UNC13A: variants seen among roughly 807,000 people sequenced by gnomAD.
UNC13A encodes protein unc-13 homolog A.
A neutral mutation model predicts 219.7 loss-of-function variants in UNC13A; 61 were observed. That is an observed-to-expected ratio of 0.28 (90% CI 0.23 to 0.34). The LOEUF (loss-of-function observed/expected upper bound fraction) is 0.34. Among genes scored for constraint, UNC13A ranks in the 10% least tolerant of loss-of-function variants. The probability of loss-of-function intolerance (pLI) is 1.00; values close to 1 mark genes in which losing one functional copy is unlikely to be tolerated. For synonymous variants in UNC13A, 920 were observed against 884.6 expected (o/e 1.04, Z -0.71); for missense variants, 1,476 against 2,270.3 (o/e 0.65, Z 7.11).
chr19:17,624,492 C>T (rs935796421), intron 35 of UNC13A, among the ~76,000 whole-genome samples: 15 of 152,308 alleles, frequency 9.8e-5, no homozygotes, highest in African/African-American at 3.6e-4. Flanking sequence ...TGACCTCTGA[C>T]CTTTGAAAGC....
At chr19:17,668,589 C>T (rs186153417) in intron 5 of UNC13A, among the ~76,000 whole-genome samples, 236 of 152,190 alleles carry the variant, frequency 1.6e-3, no homozygotes, top group African/African-American at 4.9e-3. Flanking sequence ...TGGGTTCAAG[C>T]GATTCTCCTG....
intron 41 of UNC13A, chr19:17,614,496 T>G (rs1419392127): frequency 1.3e-5 from 2 of 152,572 alleles, no homozygotes; most frequent in Admixed American, 1.3e-4. Flanking sequence ...CTGTGGGGCC[T>G]GTGGACCTGT....
In UNC13A at chr19:17,674,837, T is replaced by C. The variant is rs1005322640; in HGVS notation, c.53-81A>G. ...TTCCCAAGCTCTAGACCATCTGCTG[T>C]GATCCCCTCAGGAATTTCTGGGCCA... On this transcript the variant is annotated intron_variant, in intron 2 of 43. Transcript: ENST00000519716. This position sits in a 1 kb window ranked among gnomAD's most constrained non-coding sequence, Gnocchi z 5.0. The C allele has an allele frequency of 3.5e-5, 43 of 1,245,596 alleles. No individual in the cohort carries two copies. The East Asian group carries it at 9.4e-4, about 27-fold the overall frequency. 77.2% of individuals were successfully genotyped at this position (1,245,596 alleles called of 1,614,324 possible).
intron 34 of UNC13A, chr19:17,626,316 C>A (rs62119952): frequency 1.2e-5 from 3 of 259,406 alleles, no homozygotes; most frequent in Non-Finnish European, 1.5e-5. Context: ...ACCCATCCAT[C>A]TTTTTAAAAC....
chr19:17,628,912 TAAC>T (rs1474755193), intron 31 of UNC13A, among the ~76,000 whole-genome samples: 1 of 151,874 alleles, frequency 6.6e-6, no homozygotes, highest in African/African-American at 2.4e-5. Flanking sequence ...CATACCCTGT[TAAC>T]AAAGCCAGAC....
Position 17,640,621 on chromosome 19 carries a change from C to A in UNC13A, c.2677G>T (p.Val893Leu), listed in dbSNP as rs775904978. The stretch of plus-strand genomic sequence containing the variant: ...AGCAGGGTGCTCATGACGGCAGGCA[C>A]CCCTGGGCACATATACTTGGAGGAG... Reference protein sequence around the residue: ...CLSSKYMCPGVPAVMSTLLAN... With the variant: ...CLSSKYMCPGLPAVMSTLLAN... The change falls in exon 22 of 44, where the codon GTG becomes TTG. Residue 893 changes from valine to leucine, a missense_variant. Physicochemically the swap from Val to Leu is conservative, Grantham distance 32 (BLOSUM62 1). This residue lies in a region of UNC13A where 140 missense variants were observed against 270.9 expected (regional missense o/e 0.52). Transcript: ENST00000519716. 9.4e-6 allele frequency: 15 copies of A among 1,590,826 alleles called. No individual in the cohort carries two copies. The African/African-American group carries it at 1.3e-4, about 14-fold the overall frequency.
chr19:17,669,470 G>T, intron 5 of UNC13A, 83 bp downstream of exon 5: 2 of 1,552,004 alleles, frequency 1.3e-6, no homozygotes, highest in Non-Finnish European at 8.7e-7. Context: ...GACCTACCCA[G>T]GCCTGTTCAC....
At chr19:17,628,256 C>T in intron 31 of UNC13A, 1 of 402,152 alleles carries the variant, frequency 2.5e-6, no homozygotes, top group Non-Finnish European at 4.6e-6. Context: ...CAAAGCTTTG[C>T]AGCTCACACC....
chr19:17,667,905 G>A (rs1324252011), intron 6 of UNC13A, among the ~76,000 whole-genome samples: 4 of 151,670 alleles, frequency 2.6e-5, no homozygotes, highest in East Asian at 3.9e-4. Context: ...ACAGGCGTGA[G>A]CCACTGCGCC....
Position 17,666,705 on chromosome 19 carries a change from C to T in UNC13A, c.469-1G>A. The T allele has an allele frequency of 3.3e-6, 5 of 1,528,056 alleles. No individual in the cohort carries two copies. The highest frequency in any genetic ancestry group is 4.4e-6 in the Non-Finnish European group (5 of 1,135,406). 94.7% of individuals were successfully genotyped at this position (1,528,056 alleles called of 1,614,324 possible). ...TGTCTTGCTCATCTTGGAACGAATA[C>T]TGAAGGGGTGGAGGAAGGAGAAAGG... On this transcript the variant is annotated splice_acceptor_variant, in intron 6 of 43. Transcript: ENST00000519716. LOFTEE classifies it high-confidence loss of function.
At chr19:17,628,963 ACT>A (rs1249425704) in intron 31 of UNC13A, among the ~76,000 whole-genome samples, 2 of 151,980 alleles carry the variant, frequency 1.3e-5, no homozygotes, top group Admixed American at 6.6e-5. Flanking sequence ...ATGTGCACAG[ACT>A]CACACACACA....
rs1318272788 is a variant in UNC13A at position 17,674,887 on chromosome 19, C to A, written c.53-131G>T. On this transcript the variant is annotated intron_variant, in intron 2 of 43. Transcript: ENST00000519716. The surrounding 1 kb of genome is among the most constrained non-coding windows in gnomAD (Gnocchi z 5.0). ...ACTCACCCCCTAACCCACAACCCCA[C>A]CCTCAGGGCACAAGGGAGGGGCCTC... 1.4e-6 allele frequency: 1 copy of A among 699,566 alleles called. No homozygotes were observed. The highest frequency in any genetic ancestry group is 1.8e-5 in the South Asian group (1 of 56,802). 43.3% of individuals were successfully genotyped at this position (699,566 alleles called of 1,614,324 possible).
rs2076490372 is a variant in UNC13A, at chr19:17,603,650, A to T, written c.*2404T>A. The T allele has an allele frequency of 1.3e-5, 2 of 152,266 alleles. No homozygotes were observed. Among genetic ancestry groups the T allele is most frequent in the Admixed American group, 6.5e-5 (1 of 15,274 alleles). The allele number at this position is 152,266 out of a possible 1,614,324, so 9.4% of individuals were successfully genotyped here. A position where few individuals can be genotyped will look rare whatever the true frequency, so the allele number is the denominator to read the frequency against. ...GCCACTTCTTCCAGACACTTGGGCCATTCACATGTCGGGAAACCAACGTCA... is the reference window on the plus strand; with the variant it reads ...GCCACTTCTTCCAGACACTTGGGCCTTTCACATGTCGGGAAACCAACGTCA... On this transcript the variant is annotated 3_prime_UTR_variant, in exon 44 of 44. Coordinates refer to ENST00000519716, the MANE Select transcript of UNC13A (RefSeq NM_001080421.3).
intron 28 of UNC13A, among the ~76,000 whole-genome samples, chr19:17,631,097 TTCCTTCTTCAGATAAACTG>T (rs2076841409): frequency 7.9e-6 from 1 of 126,960 alleles, no homozygotes. Flanking sequence ...CCTTCCTTCC[TTCCTTCTTCAGATAAACTG>T]CCCATGGCAA....
chr19:17,665,933 C>T (rs1327480733), intron 7 of UNC13A, among the ~76,000 whole-genome samples: 5 of 152,038 alleles, frequency 3.3e-5, no homozygotes, highest in East Asian at 1.9e-4. Flanking sequence ...CCCTAAATAT[C>T]GAAGAGGGAC....
chr19:17,629,194 G>C, intron 31 of UNC13A, 46 bp downstream of exon 31: 1 of 1,522,786 alleles, frequency 6.6e-7, no homozygotes. Context: ...TGGGGATGCT[G>C]AATGGGGCTG....
chr19:17,621,958 G>T (rs2144967702), intron 36 of UNC13A, 88 bp from the exon 37 acceptor site: 2 of 1,362,330 alleles, frequency 1.5e-6, no homozygotes, highest in Non-Finnish European at 1.1e-6. Flanking sequence ...CATGGGGATG[G>T]GGGAATCCAC....
Position 17,625,095 on chromosome 19 carries a change from G to A in UNC13A, c.4074-143C>T, listed in dbSNP as rs373615946. 2.2e-5 allele frequency: 29 copies of A among 1,289,786 alleles called. 1 individual carries two copies. The South Asian group carries it at 4.6e-4, about 21-fold the overall frequency. 79.9% of individuals were successfully genotyped at this position (1,289,786 alleles called of 1,614,324 possible). A position where few individuals can be genotyped will look rare whatever the true frequency, so the allele number is the denominator to read the frequency against. The stretch of plus-strand genomic sequence containing the variant: ...AGGGACCCCTGGGTGGTTTGATGGG[G>A]CTATGATATCTGATGCATGAAGAGA... On this transcript the variant is annotated intron_variant, in intron 34 of 43. Coordinates refer to ENST00000519716, the MANE Select transcript of UNC13A (RefSeq NM_001080421.3).
intron 1 of UNC13A, among the ~76,000 whole-genome samples, chr19:17,686,237 C>T (rs568297276): frequency 2.7e-5 from 4 of 150,520 alleles, no homozygotes; most frequent in South Asian, 2.1e-4. Flanking sequence ...TGCTGCCCCC[C>T]CTTAATGCCA....
Sources: allele counts gnomAD v4.1 joint callset (sites outside exome capture counted in the v4.1 genomes callset), GRCh38; gene constraint gnomAD v4.1.1; regional missense constraint gnomAD v4.1.1; non-coding constraint Gnocchi (gnomAD v3.1); transcripts MANE v1.5; gene names NCBI Gene and HGNC (gene_info 2026-07-23, HGNC 2026-07-21).